PLXNA1: variants seen among roughly 807,000 people sequenced by gnomAD.
The protein encoded by PLXNA1 is plexin-A1.
A neutral mutation model predicts 191.7 loss-of-function variants in PLXNA1; 77 were observed. The observed-to-expected ratio is 0.40, with a 90% CI of 0.33 to 0.49. The LOEUF is 0.49. Among genes scored for constraint, PLXNA1 ranks in the 20% least tolerant of loss-of-function variants. The pLI is 0.63. For synonymous variants in PLXNA1, 1,137 were observed against 1,156.4 expected (o/e 0.98, Z 0.34); for missense variants, 2,110 against 2,660.2 (o/e 0.79, Z 4.55).
Position 127,007,928 on chromosome 3 carries a change from G to T in PLXNA1, c.2112+15G>T. ...ACGTGTCTGAGGTAAGGCCGGGCAAGGGTGAGGGTCAGGTTTTCAGAGGTG... is the reference window on the plus strand; with the variant it reads ...ACGTGTCTGAGGTAAGGCCGGGCAATGGTGAGGGTCAGGTTTTCAGAGGTG... On this transcript the variant is annotated intron_variant, in intron 9 of 31. Transcript: ENST00000393409. 1 of 1,576,184 alleles carries T rather than the reference G, an allele frequency of 6.3e-7. No individual in the cohort carries two copies. The highest frequency in any genetic ancestry group is 1.1e-5 in the South Asian group (1 of 89,008).
In PLXNA1 at chr3:127,030,320, G is replaced by A. The variant is rs770881864; in HGVS notation, c.5139G>A (p.Leu1713=). Residue 1713 remains leucine, a synonymous_variant, in exon 29 of 32, where the codon CTG becomes CTA. Coordinates refer to ENST00000393409, the MANE Select transcript of PLXNA1 (RefSeq NM_032242.4). ...STAHRGSALP[L]AIKYMFDFLD... ...CACACCGGGGCTCAGCCCTGCCGCT[G>A]GCCATCAAGTACATGTTCGACTTCC... 7 of 1,613,910 alleles carry A rather than the reference G, an allele frequency of 4.3e-6. No homozygotes were observed. Among genetic ancestry groups the A allele is most frequent in the Non-Finnish European group, 5.9e-6 (7 of 1,180,032 alleles).
Position 127,016,611 on chromosome 3 carries a change from A to C in PLXNA1, c.3109A>C (p.Asn1037His). 6.2e-7 allele frequency: 1 copy of C among 1,613,952 alleles called. No homozygotes were observed. The highest frequency in any genetic ancestry group is 1.7e-5 in the Admixed American group (1 of 60,004). The change falls in exon 16 of 32, where the codon AAC becomes CAC. Residue 1037 changes from asparagine to histidine, a missense_variant. Physicochemically the swap from Asn to His is moderately conservative, Grantham distance 68. Around this residue, in one of 4 missense-constraint regions of PLXNA1, gnomAD observed 644 missense variants for 714.3 expected, o/e 0.90. Coordinates refer to ENST00000393409, the MANE Select transcript of PLXNA1 (RefSeq NM_032242.4). ...CAACATCAACCGCGCCCAGCTCACC[A>C]ACCCTGAGGTGAAGTACAACTACAC... ...IININRAQLT[N>H]PEVKYNYTED...
rs569026320 is a variant in PLXNA1 at position 127,033,953 on chromosome 3, C to T, written c.5627C>T (p.Ala1876Val). Residue 1876 changes from alanine (A) to valine (V), a missense_variant, in exon 32 of 32, where the codon GCG becomes GTG. Ala to Val is a moderately conservative substitution (Grantham distance 64). This residue lies in a region of PLXNA1 where 559 missense variants were observed against 911.5 expected (regional missense o/e 0.61). Transcript: ENST00000393409. ...ILAALEKDEQARRQRLRSKLE... is the reference protein window; with the variant it reads ...ILAALEKDEQVRRQRLRSKLE... ...GCAGCCCTGGAGAAGGATGAGCAGG[C>T]GCGGCGGCAGCGGCTGCGGAGCAAG... The T allele has an allele frequency of 2.2e-5, 36 of 1,605,566 alleles. No individual in the cohort carries two copies. Among genetic ancestry groups the T allele is most frequent in the South Asian group, 3.4e-5 (3 of 88,942 alleles).
Position 127,017,512 on chromosome 3 carries a change from C to A in PLXNA1, c.3364C>A (p.Arg1122=). The part of the protein sequence containing the change: ...PVRSPPELGE[R]PDELGFVMDN... ...GCGCAGCCCACCAGAGCTGGGGGAG[C>A]GGCCGGATGAGCTGGGCTTCGTCAT... The change falls in exon 18 of 32, where the codon CGG becomes AGG. Residue 1122 remains arginine (R), a synonymous_variant. Coordinates refer to ENST00000393409, the MANE Select transcript of PLXNA1 (RefSeq NM_032242.4). The A allele has an allele frequency of 1.2e-6, 2 of 1,613,608 alleles. No individual in the cohort carries two copies. The highest frequency in any genetic ancestry group is 1.7e-6 in the Non-Finnish European group (2 of 1,180,014).
chr3:126,991,349 C>A (rs1330166214), intron 2 of PLXNA1, 35 bp from the exon 3 acceptor site: 1 of 1,606,998 alleles, frequency 6.2e-7, no homozygotes, highest in Admixed American at 1.7e-5. Context: ...GAGAAGGTGC[C>A]CGGGGAGTGG....
chr3:127,022,566 G>C (rs1180155606), intron 22 of PLXNA1, among the ~76,000 whole-genome samples, 186 bp from the exon 23 acceptor site: 1 of 152,116 alleles, frequency 6.6e-6, no homozygotes, highest in South Asian at 2.1e-4. Context: ...GCGAAGGACT[G>C]GGGTCTCCAT....
At chr3:127,028,881 G>A in intron 25 of PLXNA1, 112 bp from the exon 26 acceptor site, 1 of 740,262 alleles carries the variant, frequency 1.4e-6, no homozygotes, top group Non-Finnish European at 2.3e-6. Context: ...GTATGTCCCT[G>A]CCCTGTGCTG....
At position 126,984,326 on chromosome 3, in the gene PLXNA1, C is replaced by T. The variant is rs562854511; in HGVS notation, c.-74+1039C>T. On this transcript the variant is annotated intron_variant, in intron 1 of 31. Coordinates refer to ENST00000393409, the MANE Select transcript of PLXNA1 (RefSeq NM_032242.4). ...TGCCGGGGAGGGGACGTGGTCGAGC[C>T]TCTGTCCCCTCAGCGCGGCTCCTGT... Among the ~76,000 whole-genome samples the T allele has an allele frequency of 8.5e-5, 13 of 152,364 alleles. No individual in the cohort carries two copies. In the East Asian group the frequency reaches 2.5e-3, roughly 29 times the overall value.
chr3:127,000,359 AGGGTGGGCTGCCTCCAGGC>A (rs1463324439), intron 3 of PLXNA1, among the ~76,000 whole-genome samples: 1 of 152,000 alleles, frequency 6.6e-6, no homozygotes, highest in African/African-American at 2.4e-5. Flanking sequence ...AGCCACCTCG[AGGGTGGGCTGCCTCCAGGC>A]GGGTGGCCCG....
intron 20 of PLXNA1, 54 bp from the exon 21 acceptor site, chr3:127,020,148 G>T: frequency 1.3e-6 from 2 of 1,595,956 alleles, no homozygotes; most frequent in African/African-American, 1.3e-5. Context: ...GAGGGTTGGG[G>T]CATGGAGCGG....
chr3:127,025,745 C>T lies in PLXNA1; in HGVS notation c.4363-2195C>T, dbSNP rs537129684. Among the ~76,000 whole-genome samples the T allele has an allele frequency of 4.6e-5, 7 of 152,310 alleles. No homozygotes were observed. In the South Asian group the frequency reaches 1.5e-3, roughly 32 times the overall value. Reference sequence around the variant, plus strand: ...TAATTTCATCAGCTTAATGGGGAAGCAATCCAGGTGTCCATCGACAGATGA... The same window carrying T: ...TAATTTCATCAGCTTAATGGGGAAGTAATCCAGGTGTCCATCGACAGATGA... On this transcript the variant is annotated intron_variant, in intron 23 of 31. Transcript: ENST00000393409.
rs1290695187 is a variant in PLXNA1 at position 127,005,247 on chromosome 3, A to G, written c.1897+4A>G. ...GCGCCCATCACGCGGGGCCAGGGTG[A>G]GTGGCCCCAACACAATGGTGCCCGC... On this transcript the variant is annotated splice_donor_region_variant and intron_variant, in intron 7 of 31. Coordinates refer to ENST00000393409, the MANE Select transcript of PLXNA1 (RefSeq NM_032242.4). 6.2e-7 allele frequency: 1 copy of G among 1,601,106 alleles called. No homozygotes were observed. The highest frequency in any genetic ancestry group is 8.5e-7 in the Non-Finnish European group (1 of 1,174,812).
At chr3:127,006,891 C>G (rs2079071060) in intron 8 of PLXNA1, among the ~76,000 whole-genome samples, 1 of 152,234 alleles carries the variant, frequency 6.6e-6, no homozygotes, top group South Asian at 2.1e-4. Context: ...CTCACTCCTT[C>G]CCTGAACCAG....
At chr3:127,013,694 G>A (rs1442155465) in intron 10 of PLXNA1, among the ~76,000 whole-genome samples, 2 of 152,250 alleles carry the variant, frequency 1.3e-5, no homozygotes, top group East Asian at 1.9e-4. Flanking sequence ...GGGCCAGCTG[G>A]GAGTCTTGGT....
At chr3:127,030,923 G>A (rs1482793984) in intron 29 of PLXNA1, among the ~76,000 whole-genome samples, 1 of 152,184 alleles carries the variant, frequency 6.6e-6, no homozygotes, top group Admixed American at 6.5e-5. Flanking sequence ...TACGGAGCAG[G>A]GCCTGCCCAG....
chr3:127,032,764 G>A lies in PLXNA1; in HGVS notation c.5523G>A (p.Leu1841=), dbSNP rs1355740061. 1.2e-6 allele frequency: 2 copies of A among 1,613,470 alleles called. No individual in the cohort carries two copies. Among genetic ancestry groups the A allele is most frequent in the Non-Finnish European group, 8.5e-7 (1 of 1,180,018 alleles). ...MSAYLAEQSR[L]HLSQFNSMSA... is the part of the protein sequence containing the mutation. The stretch of plus-strand genomic sequence containing the variant: ...CGTATCTGGCTGAGCAGTCCCGCCT[G>A]CACCTGAGCCAGTTCAACAGCATGA... Residue 1841 remains leucine (L), a synonymous_variant, in exon 31 of 32, where the codon CTG becomes CTA. Coordinates refer to ENST00000393409, the MANE Select transcript of PLXNA1 (RefSeq NM_032242.4).
At chr3:127,025,268 G>T (rs958494386) in intron 23 of PLXNA1, among the ~76,000 whole-genome samples, 22 of 152,176 alleles carry the variant, frequency 1.4e-4, no homozygotes, top group Non-Finnish European at 2.8e-4. Flanking sequence ...TGATCTCATT[G>T]TCTCCATAAG....
chr3:127,029,025 C>G lies in PLXNA1; in HGVS notation c.4702C>G (p.Leu1568Val). Reference protein sequence around the residue: ...WRQGRMARIILQDEDVTTKID... With the variant: ...WRQGRMARIIVQDEDVTTKID... ...CCAGGGCCGCATGGCGCGCATCATC[C>G]TGCAGGACGAGGACGTCACCACCAA... The change falls in exon 26 of 32, where the codon CTG becomes GTG. Residue 1568 changes from leucine to valine, a missense_variant. Leu to Val is a conservative substitution (Grantham distance 32). Coordinates refer to ENST00000393409, the MANE Select transcript of PLXNA1 (RefSeq NM_032242.4). 1 of 1,613,602 alleles carries G rather than the reference C, an allele frequency of 6.2e-7. No individual in the cohort carries two copies. Among genetic ancestry groups the G allele is most frequent in the Non-Finnish European group, 8.5e-7 (1 of 1,179,938 alleles).
chr3:127,024,795 C>T (rs2079169178), intron 23 of PLXNA1, among the ~76,000 whole-genome samples: 1 of 152,138 alleles, frequency 6.6e-6, no homozygotes, highest in African/African-American at 2.4e-5. Context: ...GCTGGGCGCC[C>T]CCTGGATGGG....
Sources: allele counts gnomAD v4.1 joint callset (sites outside exome capture counted in the v4.1 genomes callset), GRCh38; gene constraint gnomAD v4.1.1; regional missense constraint gnomAD v4.1.1; transcripts MANE v1.5; gene names NCBI Gene and HGNC (gene_info 2026-07-23, HGNC 2026-07-21).